LPP: variants seen among roughly 807,000 people sequenced by gnomAD.
LPP encodes LIM domain containing preferred translocation partner in lipoma.
LPP carries 38 observed loss-of-function variants against 60.4 expected under a neutral mutation model. The observed-to-expected ratio is 0.63, with a 90% CI of 0.49 to 0.83. The LOEUF is 0.83. Among genes scored for constraint, LPP ranks in the 40% least tolerant of loss-of-function variants. The pLI is 0.00. For synonymous variants in LPP, 328 were observed against 290.8 expected, an observed-to-expected ratio of 1.13 and a Z score of -1.30; for missense variants, 902 against 783.6, an observed-to-expected ratio of 1.15 and a Z score of -1.80.
chr3:188,570,509 A>G (rs1833287283), intron 6 of LPP, among the ~76,000 whole-genome samples: 9 of 152,044 alleles, frequency 5.9e-5, no homozygotes, highest in Non-Finnish European at 1.5e-5. Context: ...GGAGTGGCTT[A>G]AAGGACAATT....
At chr3:188,633,610 G>A (rs1265518044) in intron 7 of LPP, among the ~76,000 whole-genome samples, 3 of 152,090 alleles carry the variant, frequency 2.0e-5, no homozygotes, top group Non-Finnish European at 4.4e-5. Flanking sequence ...CTAATGGCAT[G>A]AGTATATTAA....
At chr3:188,637,468 G>T (rs1849060841) in intron 7 of LPP, among the ~76,000 whole-genome samples, 1 of 150,838 alleles carries the variant, frequency 6.6e-6, no homozygotes, top group African/African-American at 2.4e-5. Context: ...AAAAGCAAGA[G>T]CAAACACATT....
chr3:188,748,523 C>G (rs571426413), intron 8 of LPP, among the ~76,000 whole-genome samples: 145 of 152,270 alleles, frequency 9.5e-4, no homozygotes, highest in African/African-American at 3.3e-3. Flanking sequence ...GCGGCTCACA[C>G]CTGTAATCCC....
intron 7 of LPP, among the ~76,000 whole-genome samples, chr3:188,640,566 A>T (rs1014476691): frequency 6.6e-6 from 1 of 151,382 alleles, no homozygotes; most frequent in East Asian, 1.9e-4. Context: ...AAAAAAAGAA[A>T]CAGATCCCTC....
intron 9 of LPP, among the ~76,000 whole-genome samples, chr3:188,769,840 C>G (rs1735302580): frequency 1.3e-5 from 2 of 152,220 alleles, no homozygotes; most frequent in South Asian, 4.1e-4. Context: ...AGAAATAGGA[C>G]AGCGTTTGCT....
At chr3:188,766,183 T>C (rs1485930726) in intron 9 of LPP, among the ~76,000 whole-genome samples, 2 of 151,894 alleles carry the variant, frequency 1.3e-5, no homozygotes, top group African/African-American at 2.4e-5. Flanking sequence ...TGTTAAATTT[T>C]CTACGTGAAG....
chr3:188,565,394 C>G (rs1327623307), intron 6 of LPP, among the ~76,000 whole-genome samples: 1 of 151,968 alleles, frequency 6.6e-6, no homozygotes, highest in Non-Finnish European at 1.5e-5. Flanking sequence ...GAGATCCGCT[C>G]CTCTCACTTT....
intron 4 of LPP, among the ~76,000 whole-genome samples, chr3:188,443,036 G>T (rs981964713): frequency 1.3e-5 from 2 of 152,156 alleles, no homozygotes; most frequent in Non-Finnish European, 2.9e-5. Context: ...GTTTTCAAAG[G>T]CAAGACAGAG....
At chr3:188,415,511 T>TA (rs1785985433) in intron 4 of LPP, among the ~76,000 whole-genome samples, 1 of 152,068 alleles carries the variant, frequency 6.6e-6, no homozygotes, top group African/African-American at 2.4e-5. Context: ...TTTTTTTTTT[T>TA]ATCATAATGA....
chr3:188,767,596 A>G (rs1253700843), intron 9 of LPP, among the ~76,000 whole-genome samples: 1 of 152,162 alleles, frequency 6.6e-6, no homozygotes, highest in African/African-American at 2.4e-5. Context: ...ATTTAGAAAA[A>G]CATTTATCAT....
intron 4 of LPP, among the ~76,000 whole-genome samples, chr3:188,430,316 T>C (rs1428079355): frequency 6.6e-6 from 1 of 152,160 alleles, no homozygotes; most frequent in Admixed American, 6.5e-5. Context: ...TTAACAACTT[T>C]CCCTGGCTTA....
At chr3:188,581,667 G>A (rs186333180) in intron 6 of LPP, among the ~76,000 whole-genome samples, 1 of 152,092 alleles carries the variant, frequency 6.6e-6, no homozygotes, top group African/African-American at 2.4e-5. Flanking sequence ...TCTCCATTCA[G>A]CTGCAGCCTC....
chr3:188,377,346 T>G (rs1168932212), intron 3 of LPP, among the ~76,000 whole-genome samples: 1 of 152,214 alleles, frequency 6.6e-6, no homozygotes, highest in African/African-American at 2.4e-5. Context: ...GGTACACCAA[T>G]CAGACGTAGA....
At chr3:188,536,002 ATTT>A (rs11293389) in intron 6 of LPP, among the ~76,000 whole-genome samples, 33 of 121,764 alleles carry the variant, frequency 2.7e-4, no homozygotes, top group African/African-American at 1.0e-3. Context: ...TATTACATGA[ATTT>A]TTTTTTTTTT....
chr3:188,827,598 A>G (rs1477051723), intron 9 of LPP, among the ~76,000 whole-genome samples: 1 of 152,168 alleles, frequency 6.6e-6, no homozygotes, highest in Non-Finnish European at 1.5e-5. Flanking sequence ...AAGCTGGGCA[A>G]CATTTCCACA....
chr3:188,838,044 G>T (rs946205125), intron 9 of LPP, among the ~76,000 whole-genome samples: 2 of 152,088 alleles, frequency 1.3e-5, no homozygotes, highest in Non-Finnish European at 2.9e-5. Context: ...ATCTCTAGTG[G>T]TTCCTATCCC....
In LPP at chr3:188,217,338, C is replaced by A. The variant is rs1220739889; in HGVS notation, c.-189-8067C>A. 1.3e-5 allele frequency among the ~76,000 whole-genome samples: 2 copies of A among 152,072 alleles called. No homozygotes were observed. The highest frequency in any genetic ancestry group is 4.8e-5 in the African/African-American group (2 of 41,388). On this transcript the variant is annotated intron_variant, in intron 1 of 11. Coordinates refer to ENST00000617246, the MANE Select transcript of LPP (RefSeq NM_001375462.1). This position sits in a 1 kb window ranked among gnomAD's most constrained non-coding sequence, Gnocchi z 4.0. Reference sequence around the variant, plus strand: ...TTTGTGTTTGAGGAACAGAAGGAGACTGATGTGCTGGCAGGATGTGGGCTG... The same window carrying A: ...TTTGTGTTTGAGGAACAGAAGGAGAATGATGTGCTGGCAGGATGTGGGCTG...
intron 10 of LPP, among the ~76,000 whole-genome samples, chr3:188,871,249 A>G (rs942803529): frequency 2.0e-5 from 3 of 152,208 alleles, no homozygotes; most frequent in African/African-American, 7.2e-5. Flanking sequence ...TGATCCCAGA[A>G]GCCTACTTAT....
At chr3:188,582,296 G>A (rs1836425437) in intron 6 of LPP, among the ~76,000 whole-genome samples, 3 of 151,052 alleles carry the variant, frequency 2.0e-5, no homozygotes, top group Admixed American at 2.0e-4. Context: ...GAGTAGCTGT[G>A]TCTACAGGTG....
Sources: gnomAD v4.1 joint callset for allele counts (sites outside exome capture counted in the v4.1 genomes callset) on GRCh38, gnomAD v4.1.1 for gene constraint, Gnocchi (gnomAD v3.1) non-coding constraint, MANE v1.5 for transcripts, NCBI Gene and HGNC (gene_info 2026-07-23, HGNC 2026-07-21) for gene names.